The following CDH13 variants were observed in gnomAD, a reference collection of about 807,000 sequenced individuals.
CDH13 encodes cadherin 13.
A neutral mutation model predicts 63.8 loss-of-function variants in CDH13; 24 were observed. The ratio of observed to expected loss-of-function variants is 0.38; its 90% CI spans 0.27 to 0.53. CDH13 has a LOEUF of 0.53. CDH13 is among the 20% of genes least tolerant of loss of function. CDH13 has a pLI of 0.85. For synonymous variants in CDH13, 503 were observed against 355.3 expected (o/e 1.42, Z -4.67); for missense variants, 1,049 against 903.1 (o/e 1.16, Z -2.07).
intron 6 of CDH13, among the ~76,000 whole-genome samples, chr16:83,428,208 T>G (rs2071973887): frequency 6.6e-6 from 1 of 152,188 alleles, no homozygotes; most frequent in African/African-American, 2.4e-5. Context: ...TTGAACTTCA[T>G]GTGACCTTCC....
chr16:82,805,897 C>G (rs1006329814), intron 1 of CDH13, among the ~76,000 whole-genome samples: 2 of 152,210 alleles, frequency 1.3e-5, no homozygotes, highest in Admixed American at 6.5e-5. Context: ...TGTCTTTTAA[C>G]ATGGTACGCA....
chr16:82,904,654 G>A (rs915642809), intron 2 of CDH13, among the ~76,000 whole-genome samples: 3 of 152,268 alleles, frequency 2.0e-5, no homozygotes, highest in Middle Eastern at 3.4e-3. Context: ...TACCTGGGTG[G>A]GCATAGTAGT....
intron 1 of CDH13, among the ~76,000 whole-genome samples, chr16:82,752,175 C>T (rs2034443645): frequency 2.0e-5 from 3 of 152,192 alleles, no homozygotes; most frequent in Admixed American, 1.3e-4. Context: ...TCCTTTCCAC[C>T]AAATTCTCTT....
chr16:83,549,634 T>C (rs2075453803), intron 7 of CDH13, among the ~76,000 whole-genome samples: 1 of 143,724 alleles, frequency 7.0e-6, no homozygotes, highest in Admixed American at 6.9e-5. Context: ...ATCATTTTTC[T>C]CTACGCTCAA....
chr16:83,760,070 T>C (rs1442967884), intron 11 of CDH13, among the ~76,000 whole-genome samples: 1 of 151,958 alleles, frequency 6.6e-6, no homozygotes, highest in Non-Finnish European at 1.5e-5. Flanking sequence ...TATGAAAAGA[T>C]GCTCAACTTA....
intron 10 of CDH13, among the ~76,000 whole-genome samples, chr16:83,693,441 T>A (rs914839130): frequency 7.9e-5 from 12 of 152,214 alleles, no homozygotes; most frequent in Non-Finnish European, 1.8e-4. Context: ...TTCTAGAATA[T>A]TTGGTTTTCA....
In CDH13 at chr16:83,783,385, A is replaced by C; in HGVS notation, c.2047A>C (p.Arg683=). ...TDLRVQVCSC[R]NSKVDCNAAG... is the part of the protein sequence containing the mutation. Reference sequence around the variant, plus strand: ...TCTCAGGGTACAAGTGTGCTCCTGCAGGAATTCCAAAGTGGACTGCAACGC... The same window carrying C: ...TCTCAGGGTACAAGTGTGCTCCTGCCGGAATTCCAAAGTGGACTGCAACGC... Residue 683 remains arginine, a synonymous_variant, in exon 13 of 14, where the codon AGG becomes CGG. Coordinates refer to ENST00000567109, the MANE Select transcript of CDH13 (RefSeq NM_001257.5). 1.2e-6 allele frequency: 2 copies of C among 1,613,990 alleles called. No homozygotes were observed. Among genetic ancestry groups the C allele is most frequent in the Middle Eastern group, 1.6e-4 (1 of 6,062 alleles).
chr16:83,123,770 A>G (rs2035691611), intron 3 of CDH13, among the ~76,000 whole-genome samples: 1 of 152,128 alleles, frequency 6.6e-6, no homozygotes, highest in Admixed American at 6.5e-5. Flanking sequence ...CAGTTCTTTG[A>G]GAAATCATCA....
chr16:83,398,853 A>G (rs1007545209), intron 6 of CDH13, among the ~76,000 whole-genome samples: 2 of 152,244 alleles, frequency 1.3e-5, no homozygotes, highest in South Asian at 2.1e-4. Context: ...AGCCAGATGC[A>G]TAGCTCTTCT....
At chr16:82,844,389 C>G (rs2050481838) in intron 1 of CDH13, 1 of 151,974 alleles carries the variant, frequency 6.6e-6, no homozygotes, top group Non-Finnish European at 1.5e-5. Flanking sequence ...ATCACAAGGT[C>G]AGGAGGTCAA....
chr16:82,902,025 G>T (rs935289288), intron 2 of CDH13, among the ~76,000 whole-genome samples: 1 of 152,202 alleles, frequency 6.6e-6, no homozygotes, highest in African/African-American at 2.4e-5. Context: ...TAGCTATTAC[G>T]TGGCAGAGTC....
chr16:83,357,403 CA>C (rs1171233495), intron 6 of CDH13, among the ~76,000 whole-genome samples: 1 of 152,168 alleles, frequency 6.6e-6, no homozygotes, highest in Non-Finnish European at 1.5e-5. Flanking sequence ...ATGCACCATT[CA>C]AAAATGTCTG....
At chr16:83,071,438 A>G (rs539949299) in intron 3 of CDH13, among the ~76,000 whole-genome samples, 1 of 152,140 alleles carries the variant, frequency 6.6e-6, no homozygotes, top group African/African-American at 2.4e-5. Context: ...ACTACCATGT[A>G]GCTCTTCCCT....
chr16:83,143,028 C>G (rs1488812292), intron 4 of CDH13, among the ~76,000 whole-genome samples: 1 of 152,124 alleles, frequency 6.6e-6, no homozygotes, highest in African/African-American at 2.4e-5. Context: ...CGCTTGAACC[C>G]GGGAGGCGGA....
chr16:83,372,541 C>G (rs945664473), intron 6 of CDH13, among the ~76,000 whole-genome samples: 1 of 151,902 alleles, frequency 6.6e-6, no homozygotes, highest in Non-Finnish European at 1.5e-5. Flanking sequence ...ACCACGAGGT[C>G]AAGAGATTGA....
At chr16:82,922,412 G>A (rs934300324) in intron 2 of CDH13, among the ~76,000 whole-genome samples, 3 of 152,182 alleles carry the variant, frequency 2.0e-5, no homozygotes, top group African/African-American at 4.8e-5. Context: ...ACATGCCAGG[G>A]AGTAGAACTC....
chr16:82,881,281 A>G (rs2040692439), intron 2 of CDH13, among the ~76,000 whole-genome samples: 1 of 152,130 alleles, frequency 6.6e-6, no homozygotes. Context: ...GTCTCCGGAA[A>G]GCTGACCTCA....
chr16:82,794,288 C>A (rs77684429), intron 1 of CDH13, among the ~76,000 whole-genome samples: 3,524 of 150,598 alleles, frequency 0.023, 142 homozygotes, highest in African/African-American at 0.081. Flanking sequence ...ATTTGAAAAC[C>A]CCTGGTTTAA....
chr16:83,378,343 A>G (rs1022600866), intron 6 of CDH13, among the ~76,000 whole-genome samples: 6 of 152,198 alleles, frequency 3.9e-5, no homozygotes. Context: ...CCTCCTGTTC[A>G]GCGGAGAGGG....
Sources: allele counts gnomAD v4.1 joint callset (sites outside exome capture counted in the v4.1 genomes callset), GRCh38; gene constraint gnomAD v4.1.1; transcripts MANE v1.5; gene names NCBI Gene and HGNC (gene_info 2026-07-23, HGNC 2026-07-21).